The following NEGR1 variants were observed in gnomAD, a reference collection of about 807,000 sequenced individuals.
NEGR1 encodes the protein IgLON family member 4.
NEGR1 carries 10 observed loss-of-function variants against 40.9 expected under a neutral mutation model. The ratio of observed to expected loss-of-function variants is 0.24; its 90% confidence interval spans 0.15 to 0.42. The LOEUF (loss-of-function observed/expected upper bound fraction) is 0.42, where lower values mean the gene tolerates loss of function less well. Among genes scored for constraint, NEGR1 ranks in the 10% least tolerant of loss-of-function variants. NEGR1 has a pLI of 1.00. For synonymous variants in NEGR1, 185 were observed against 166.8 expected (o/e 1.11, Z -0.84); for missense variants, 352 against 438.9 (o/e 0.80, Z 1.77).
intron 4 of NEGR1, among the ~76,000 whole-genome samples, chr1:71,625,367 C>A (rs2101557741): frequency 6.6e-6 from 1 of 151,798 alleles, no homozygotes; most frequent in East Asian, 1.9e-4. Flanking sequence ...CCAAAGAGGG[C>A]TTAAAAATAT....
At chr1:71,906,785 T>C (rs1185611065) in intron 2 of NEGR1, among the ~76,000 whole-genome samples, 2 of 152,190 alleles carry the variant, frequency 1.3e-5, no homozygotes, top group Non-Finnish European at 2.9e-5. Context: ...AAGTGTATAA[T>C]TCACATCTGC....
At chr1:71,791,022 T>C (rs894269512) in intron 2 of NEGR1, among the ~76,000 whole-genome samples, 1 of 151,944 alleles carries the variant, frequency 6.6e-6, no homozygotes, top group African/African-American at 2.4e-5. Flanking sequence ...AAAATGTAGA[T>C]AAAATGAACA....
intron 1 of NEGR1, among the ~76,000 whole-genome samples, chr1:72,127,487 A>AAAAC (rs1650072830): frequency 2.0e-5 from 3 of 150,048 alleles, no homozygotes; most frequent in Non-Finnish European, 4.4e-5. Context: ...AAAAAAAAAA[A>AAAAC]AAAGGGAGAA....
At chr1:71,985,366 T>A (rs1398019243) in intron 1 of NEGR1, among the ~76,000 whole-genome samples, 2 of 152,222 alleles carry the variant, frequency 1.3e-5, no homozygotes, top group African/African-American at 4.8e-5. Flanking sequence ...TAACTCTGTA[T>A]AATAAAATAT....
intron 1 of NEGR1, among the ~76,000 whole-genome samples, chr1:72,212,848 T>C (rs1014270588): frequency 6.6e-6 from 1 of 151,754 alleles, no homozygotes; most frequent in African/African-American, 2.4e-5. Context: ...AATAAATAAG[T>C]TGATGTAAAA....
At position 72,207,308 on chromosome 1, in the gene NEGR1, A is replaced by C. The variant is rs975232733; in HGVS notation, c.176+75011T>G. Among the ~76,000 whole-genome samples the C allele has an allele frequency of 2.0e-5, 3 of 151,986 alleles. No homozygotes were observed. In the Middle Eastern group the frequency reaches 0.01, roughly 517 times the overall value. On this transcript the variant is annotated intron_variant, in intron 1 of 6. Coordinates refer to ENST00000357731, the MANE Select transcript of NEGR1 (RefSeq NM_173808.3). ...TAAGTGCATACTCAAAGAATTTAAC[A>C]CCAGATAAACAGAAGAAAGGGGCTA...
At chr1:71,942,988 G>GTA (rs1220980908) in intron 1 of NEGR1, among the ~76,000 whole-genome samples, 54 of 122,294 alleles carry the variant, frequency 4.4e-4, no homozygotes, top group African/African-American at 1.5e-3. Flanking sequence ...GTATATATGT[G>GTA]TATATATATG....
chr1:71,677,707 A>T (rs2101606719), intron 4 of NEGR1, among the ~76,000 whole-genome samples: 1 of 152,256 alleles, frequency 6.6e-6, no homozygotes, highest in African/African-American at 2.4e-5. Flanking sequence ...TCTCAGCATG[A>T]CCACGCTGAT....
chr1:72,210,622 C>T (rs1653567663), intron 1 of NEGR1, among the ~76,000 whole-genome samples: 1 of 151,830 alleles, frequency 6.6e-6, no homozygotes. Flanking sequence ...CATCTTGATT[C>T]TGCCGCTGTG....
At chr1:71,694,855 T>A (rs1332300548) in intron 4 of NEGR1, among the ~76,000 whole-genome samples, 1 of 151,780 alleles carries the variant, frequency 6.6e-6, no homozygotes, top group Admixed American at 6.6e-5. Context: ...ATGAAGCTAC[T>A]GTAATTCTAT....
At chr1:71,928,498 A>G (rs896955747) in intron 2 of NEGR1, among the ~76,000 whole-genome samples, 2 of 136,444 alleles carry the variant, frequency 1.5e-5, no homozygotes, top group Admixed American at 8.4e-5. Flanking sequence ...ATATATACAC[A>G]TATGTATACA....
chr1:72,014,334 TA>T (rs1434656293), intron 1 of NEGR1, among the ~76,000 whole-genome samples: 2 of 149,770 alleles, frequency 1.3e-5, no homozygotes, highest in South Asian at 2.1e-4. Flanking sequence ...TGAAGTCACA[TA>T]AGTGGTAAGT....
chr1:72,010,902 G>A (rs1395792860), intron 1 of NEGR1, among the ~76,000 whole-genome samples: 2 of 152,050 alleles, frequency 1.3e-5, no homozygotes, highest in East Asian at 3.9e-4. Flanking sequence ...ACGTGACCTA[G>A]CCTTCACTGT....
intron 6 of NEGR1, among the ~76,000 whole-genome samples, chr1:71,442,265 T>A (rs543139334): frequency 1.3e-5 from 2 of 149,088 alleles, no homozygotes; most frequent in Non-Finnish European, 1.5e-5. Flanking sequence ...GGATTTCAAA[T>A]GTTTCTTCTT....
In NEGR1 at chr1:71,839,569, G is replaced by T. The variant is rs1204578340; in HGVS notation, c.410-63272C>A. Among the ~76,000 whole-genome samples, 3 of 151,892 alleles carry T rather than the reference G, an allele frequency of 2.0e-5. No homozygotes were observed. In the East Asian group the frequency reaches 5.8e-4, roughly 29 times the overall value. ...TTCAAAGGCACCAGGGCTTTCTAAAGAAATAATACAAATTAAAATTATTGA... is the reference window on the plus strand; with the variant it reads ...TTCAAAGGCACCAGGGCTTTCTAAATAAATAATACAAATTAAAATTATTGA... On this transcript the variant is annotated intron_variant, in intron 2 of 6. Coordinates refer to ENST00000357731, the MANE Select transcript of NEGR1 (RefSeq NM_173808.3).
chr1:71,552,649 A>G (rs1374209637), intron 6 of NEGR1, among the ~76,000 whole-genome samples: 1 of 150,158 alleles, frequency 6.7e-6, no homozygotes, highest in Non-Finnish European at 1.5e-5. Context: ...ACACATCTAT[A>G]TGTATATATA....
At chr1:71,804,213 G>A (rs970162209) in intron 2 of NEGR1, among the ~76,000 whole-genome samples, 2 of 152,144 alleles carry the variant, frequency 1.3e-5, no homozygotes, top group Non-Finnish European at 2.9e-5. Flanking sequence ...CTTAGGCTGT[G>A]TTTGTTTTTT....
At chr1:71,449,997 T>C (rs1557530146) in intron 6 of NEGR1, among the ~76,000 whole-genome samples, 1 of 151,588 alleles carries the variant, frequency 6.6e-6, no homozygotes, top group East Asian at 1.9e-4. Context: ...TATAGATTTT[T>C]TTTTTTTTTT....
At chr1:71,925,850 G>C (rs1011474776) in intron 2 of NEGR1, among the ~76,000 whole-genome samples, 2 of 152,162 alleles carry the variant, frequency 1.3e-5, no homozygotes, top group African/African-American at 4.8e-5. Context: ...GTGCCAGCTA[G>C]AGGTTAGTAA....
Sources: gnomAD v4.1 joint callset for allele counts (sites outside exome capture counted in the v4.1 genomes callset) on GRCh38, gnomAD v4.1.1 for gene constraint, MANE v1.5 for transcripts, NCBI Gene and HGNC (gene_info 2026-07-23, HGNC 2026-07-21) for gene names.